Variants in REG4 observed in about 807,000 individuals in gnomAD.
REG4 encodes the protein regenerating islet-derived protein 4.
REG4 carries 16 observed loss-of-function variants against 22.3 expected under a neutral mutation model. The ratio of observed to expected loss-of-function variants is 0.72; its 90% CI spans 0.49 to 1.09. REG4 has a LOEUF of 1.09. Among genes scored for constraint, REG4 ranks in the 50% least tolerant of loss-of-function variants. The pLI is 0.00. For synonymous variants in REG4, 71 were observed against 69.2 expected (o/e 1.03, Z -0.13); for missense variants, 214 against 193.9 (o/e 1.10, Z -0.61).
At chr1:119,800,445 C>T (rs376349840) in intron 3 of REG4, among the ~76,000 whole-genome samples, 2 of 152,040 alleles carry the variant, frequency 1.3e-5, no homozygotes, top group Admixed American at 6.6e-5. Flanking sequence ...GTGCTCTTTG[C>T]GGGACACCTC....
At chr1:119,797,274 C>T (rs1653961698) in intron 5 of REG4, among the ~76,000 whole-genome samples, 1 of 152,038 alleles carries the variant, frequency 6.6e-6, no homozygotes, top group African/African-American at 2.4e-5. Context: ...GTGTTTTTTC[C>T]ATTTGAGCCA....
Position 119,798,553 on chromosome 1 carries a change from C to A in REG4, c.353G>T (p.Trp118Leu), listed in dbSNP as rs148291832. The A allele has an allele frequency of 1.1e-4, 183 of 1,614,148 alleles. No individual in the cohort carries two copies. The African/African-American group carries it at 2.1e-3, about 19-fold the overall frequency. ...GTTCCCACCCATGGACTTGCCAGAC[C>A]AGGATCTGTACAGATACATGGCCCC... ...IDGAMYLYRS[W>L]SGKSMGGNKH... The change falls in exon 5 of 6, where the codon TGG (tryptophan) becomes TTG (leucine). Residue 118 changes from tryptophan to leucine, a missense_variant. Coordinates refer to ENST00000256585, the MANE Select transcript of REG4 (RefSeq NM_032044.4).
intron 4 of REG4, 96 bp downstream of exon 4, chr1:119,799,629 G>A (rs1368378700): frequency 4.7e-6 from 7 of 1,479,524 alleles, no homozygotes; most frequent in East Asian, 2.3e-5. Context: ...AGATCCACCC[G>A]CTGTGTCCTT....
intron 5 of REG4, among the ~76,000 whole-genome samples, chr1:119,797,496 C>A (rs587718858): frequency 1.0e-3 from 155 of 152,290 alleles, no homozygotes; most frequent in Non-Finnish European, 1.7e-3. Flanking sequence ...CTGGGGATGA[C>A]CAAGTCCCTC....
chr1:119,797,693 C>G (rs587706017), intron 5 of REG4, among the ~76,000 whole-genome samples: 8 of 152,138 alleles, frequency 5.3e-5, no homozygotes, highest in Non-Finnish European at 1.0e-4. Context: ...TTTTCTACAC[C>G]GCTTATTAAT....
Position 119,799,829 on chromosome 1 carries a change from G to C in REG4, c.199C>G (p.Leu67Val). ...ECQSYGNGAHLASILSLKEAS... is the reference protein window; with the variant it reads ...ECQSYGNGAHVASILSLKEAS... ...TCCTTTAAACTCAGGATAGATGCCAGGTGGGCTCCGTTTCCGTAAGACTGA... is the reference window on the plus strand; with the variant it reads ...TCCTTTAAACTCAGGATAGATGCCACGTGGGCTCCGTTTCCGTAAGACTGA... The change falls in exon 4 of 6, where the codon CTG (leucine) becomes GTG (valine). Residue 67 changes from leucine (L) to valine (V), a missense_variant. Transcript: ENST00000256585. The C allele has an allele frequency of 6.2e-7, 1 of 1,614,158 alleles. No individual in the cohort carries two copies. Among genetic ancestry groups the C allele is most frequent in the South Asian group, 1.1e-5 (1 of 91,060 alleles).
At chr1:119,799,628 C>G in intron 4 of REG4, 97 bp downstream of exon 4, 1 of 1,467,104 alleles carries the variant, frequency 6.8e-7, no homozygotes, top group Non-Finnish European at 9.3e-7. Context: ...AAGATCCACC[C>G]GCTGTGTCCT....
intron 2 of REG4, among the ~76,000 whole-genome samples, chr1:119,806,623 T>G (rs774126572): frequency 1.6e-4 from 24 of 152,194 alleles, no homozygotes; most frequent in Non-Finnish European, 2.9e-4. Flanking sequence ...GCGAGTAACC[T>G]GCTGAGGTTA....
chr1:119,794,513 T>C lies in REG4; in HGVS notation c.*105A>G. ...AGTGTAGTAGGGCCCTTATCACTCT[T>C]AGTTTGCTAGGTTTCCCCTCTGAAA... On this transcript the variant is annotated 3_prime_UTR_variant, in exon 6 of 6. Transcript: ENST00000256585. The C allele has an allele frequency of 2.8e-6, 3 of 1,064,778 alleles. No individual in the cohort carries two copies. Among genetic ancestry groups the C allele is most frequent in the African/African-American group, 1.6e-5 (1 of 64,090 alleles). The allele number at this position is 1,064,778 out of a possible 1,614,324, so 66.0% of individuals were successfully genotyped here. A position where few individuals can be genotyped will look rare whatever the true frequency, so the allele number is the denominator to read the frequency against.
intron 2 of REG4, among the ~76,000 whole-genome samples, chr1:119,806,698 T>C (rs761650944): frequency 7.2e-5 from 11 of 152,292 alleles, no homozygotes; most frequent in South Asian, 6.2e-4. Context: ...CCTTAGAACC[T>C]TGACCCCACC....
At chr1:119,802,777 A>G in intron 3 of REG4, 1 of 1,464,356 alleles carries the variant, frequency 6.8e-7, no homozygotes, top group South Asian at 1.5e-5. Context: ...TGATTGATGT[A>G]TTTCTGTCTC....
chr1:119,803,248 C>A (rs1052210992), intron 2 of REG4, 83 bp from the exon 3 acceptor site: 1 of 1,381,124 alleles, frequency 7.2e-7, no homozygotes, highest in East Asian at 2.5e-5. Context: ...CAATCAGGAA[C>A]CCCTTGAATG....
intron 2 of REG4, among the ~76,000 whole-genome samples, chr1:119,805,815 C>T (rs900791037): frequency 6.6e-6 from 1 of 152,128 alleles, no homozygotes; most frequent in African/African-American, 2.4e-5. Flanking sequence ...CCTCCTCCTT[C>T]CTCACTTCAT....
intron 3 of REG4, 106 bp downstream of exon 3, chr1:119,802,962 C>A: frequency 1.3e-6 from 2 of 1,573,900 alleles, no homozygotes; most frequent in Non-Finnish European, 8.6e-7. Flanking sequence ...GGCTTCTCTT[C>A]ATAGTGCCCA....
chr1:119,795,242 C>T (rs1039636632), intron 5 of REG4, among the ~76,000 whole-genome samples: 2 of 152,194 alleles, frequency 1.3e-5, no homozygotes, highest in Non-Finnish European at 2.9e-5. Flanking sequence ...AAAAGCTCCA[C>T]TCCAGCACTG....
In REG4 at chr1:119,803,065, T is replaced by C. The variant is rs373666350; in HGVS notation, c.165+3A>G. ...CAGGCCAAGCAGGCAGCAAGTTTCT[T>C]ACCTCGGCATCAGACCAGTTCCTCA... On this transcript the variant is annotated splice_donor_region_variant and intron_variant, in intron 3 of 5. Coordinates refer to ENST00000256585, the MANE Select transcript of REG4 (RefSeq NM_032044.4). The C allele has an allele frequency of 3.1e-6, 5 of 1,606,770 alleles. No individual in the cohort carries two copies. The highest frequency in any genetic ancestry group is 2.7e-5 in the African/African-American group (2 of 74,560).
chr1:119,801,482 G>A (rs2793824), intron 3 of REG4: 113,836 of 152,232 alleles, frequency 0.75, 42,800 homozygotes, highest in East Asian at 0.9. Context: ...ACCAGCCACA[G>A]AAGATCCTGT....
At chr1:119,807,686 C>A (rs2994808) in intron 2 of REG4, among the ~76,000 whole-genome samples, 120,328 of 152,082 alleles carry the variant, frequency 0.79, 47,899 homozygotes, top group South Asian at 0.84. Flanking sequence ...GAGCAGCCTG[C>A]GATAGTTCAG....
chr1:119,801,938 T>C (rs1654116838), intron 3 of REG4: 1 of 152,156 alleles, frequency 6.6e-6, no homozygotes, highest in Admixed American at 6.5e-5. Flanking sequence ...AGGTAAAAAG[T>C]ATTATCCCAC....
Sources: allele counts gnomAD v4.1 joint callset (sites outside exome capture counted in the v4.1 genomes callset), GRCh38; gene constraint gnomAD v4.1.1; transcripts MANE v1.5; gene names NCBI Gene and HGNC (gene_info 2026-07-23, HGNC 2026-07-21).